The following IFT52 variants were observed in gnomAD, a reference collection of about 807,000 sequenced individuals.
The protein encoded by IFT52 is intraflagellar transport 52.
Under a neutral mutation model 54.4 loss-of-function variants are expected in IFT52, and 44 were observed. The observed-to-expected ratio is 0.81, with a 90% CI of 0.63 to 1.04. IFT52 has a LOEUF of 1.04. Ranked by LOEUF, IFT52 falls within the 50% of genes least tolerant of loss-of-function variation. The pLI is 0.00. For synonymous variants in IFT52, 181 were observed against 185.3 expected (o/e 0.98, Z 0.19); for missense variants, 452 against 523.6 (o/e 0.86, Z 1.33).
At chr20:43,599,624 G>A (rs901378318) in intron 3 of IFT52, among the ~76,000 whole-genome samples, 1 of 152,066 alleles carries the variant, frequency 6.6e-6, no homozygotes, top group Non-Finnish European at 1.5e-5. Flanking sequence ...TGCTTTCCTT[G>A]TCATTGCTGC....
chr20:43,617,127 G>T (rs1328259858), intron 7 of IFT52, among the ~76,000 whole-genome samples: 3 of 152,192 alleles, frequency 2.0e-5, no homozygotes, highest in Middle Eastern at 3.4e-3. Context: ...GCTGAAGAAG[G>T]TTGCATCATT....
chr20:43,604,121 A>T, intron 4 of IFT52, 62 bp from the exon 5 acceptor site: 1 of 1,349,278 alleles, frequency 7.4e-7, no homozygotes, highest in Non-Finnish European at 1.1e-6. Context: ...AATTGGTATG[A>T]GTCTATAATA....
chr20:43,608,300 T>A (rs770711204), intron 6 of IFT52, among the ~76,000 whole-genome samples: 1 of 152,030 alleles, frequency 6.6e-6, no homozygotes, highest in Non-Finnish European at 1.5e-5. Context: ...CTCAGGGAGG[T>A]GGTACCACTT....
At chr20:43,594,322 T>C (rs8124654) in intron 1 of IFT52, among the ~76,000 whole-genome samples, 2,235 of 151,814 alleles carry the variant, frequency 0.015, 66 homozygotes, top group African/African-American at 0.051. Flanking sequence ...AAAAGAAAAA[T>C]AGAATCTAGA....
chr20:43,607,260 G>A lies in IFT52; in HGVS notation c.485+2187G>A, dbSNP rs1235849107. Reference sequence around the variant, plus strand: ...GGACGGGGCGGCTGGCCGGGCGGGGGGCTGACCCCCCCACCTCCCTCCCGG... The same window carrying A: ...GGACGGGGCGGCTGGCCGGGCGGGGAGCTGACCCCCCCACCTCCCTCCCGG... On this transcript the variant is annotated intron_variant, in intron 6 of 13. Transcript: ENST00000373030. Among the ~76,000 whole-genome samples, 36 of 150,144 alleles carry A rather than the reference G, an allele frequency of 2.4e-4. No homozygotes were observed. The East Asian group carries it at 6.6e-3, about 28-fold the overall frequency.
At chr20:43,639,938 G>T (rs1315657155) in intron 12 of IFT52, among the ~76,000 whole-genome samples, 1 of 152,162 alleles carries the variant, frequency 6.6e-6, no homozygotes, top group East Asian at 1.9e-4. Flanking sequence ...CACTTTAGGA[G>T]GCTGAGGCAA....
At chr20:43,626,829 A>C (rs968746793) in intron 10 of IFT52, among the ~76,000 whole-genome samples, 1 of 152,088 alleles carries the variant, frequency 6.6e-6, no homozygotes, top group African/African-American at 2.4e-5. Context: ...AGGACCATCT[A>C]TTGAGCCCTG....
In IFT52 at chr20:43,594,307, CA is replaced by C. The variant is rs893474045; in HGVS notation, c.-6-378del. Among the ~76,000 whole-genome samples the C allele has an allele frequency of 1.1e-4, 16 of 151,560 alleles. No individual in the cohort carries two copies. The East Asian group carries it at 3.1e-3, about 29-fold the overall frequency. ...TGGGAGACAGAGCAAGACTCCGTCT[CA>C]AAAAAAAGAAAAATAGAATCTAGAA... On this transcript the variant is annotated intron_variant, in intron 1 of 13. Coordinates refer to ENST00000373030, the MANE Select transcript of IFT52 (RefSeq NM_016004.5).
At chr20:43,605,500 T>C (rs2145602232) in intron 6 of IFT52, among the ~76,000 whole-genome samples, 1 of 152,184 alleles carries the variant, frequency 6.6e-6, no homozygotes, top group Non-Finnish European at 1.5e-5. Context: ...TGAGCCAAGA[T>C]TACGCCACTG....
intron 7 of IFT52, among the ~76,000 whole-genome samples, chr20:43,615,220 T>C (rs1983767482): frequency 6.6e-6 from 1 of 151,922 alleles, no homozygotes; most frequent in Admixed American, 6.6e-5. Flanking sequence ...TTTTTGTATT[T>C]TAATAGAGAT....
chr20:43,624,006 T>C lies in IFT52; in HGVS notation c.884T>C (p.Ile295Thr), dbSNP rs77661452. Residue 295 changes from isoleucine (I) to threonine (T), a missense_variant, in exon 10 of 14, where the codon ATC becomes ACC. Ile to Thr is a moderately conservative substitution (Grantham distance 89). Coordinates refer to ENST00000373030, the MANE Select transcript of IFT52 (RefSeq NM_016004.5). ...TTTACCACCCTCTTCGACCTGTCCATCTTCCAGCTGGATACCACCTCCTTC... is the reference window on the plus strand; with the variant it reads ...TTTACCACCCTCTTCGACCTGTCCACCTTCCAGCTGGATACCACCTCCTTC... ...RDFTTLFDLS[I>T]FQLDTTSFHS... 4.2e-5 allele frequency: 67 copies of C among 1,614,168 alleles called. 1 individual carries two copies. Among genetic ancestry groups the C allele is most frequent in the South Asian group, 8.8e-5 (8 of 91,084 alleles).
At chr20:43,614,409 T>C (rs948841151) in intron 7 of IFT52, among the ~76,000 whole-genome samples, 8 of 151,980 alleles carry the variant, frequency 5.3e-5, no homozygotes, top group African/African-American at 1.5e-4. Context: ...TAATTTTTTG[T>C]ATTTTTAGTA....
At chr20:43,606,103 C>G (rs1982855320) in intron 6 of IFT52, among the ~76,000 whole-genome samples, 1 of 151,834 alleles carries the variant, frequency 6.6e-6, no homozygotes, top group African/African-American at 2.4e-5. Flanking sequence ...CGCCTATAAT[C>G]CCAGCTACTG....
chr20:43,635,187 GA>G (rs111707040), intron 10 of IFT52, among the ~76,000 whole-genome samples: 110,371 of 143,992 alleles, frequency 0.77, 42,179 homozygotes, highest in East Asian at 0.8. Flanking sequence ...GAGAGAGAGA[GA>G]AAAAAAAAAA....
At chr20:43,595,354 T>C (rs999764071) in intron 2 of IFT52, among the ~76,000 whole-genome samples, 4 of 137,738 alleles carry the variant, frequency 2.9e-5, no homozygotes, top group Non-Finnish European at 6.2e-5. Flanking sequence ...ATCAAGACCA[T>C]CCTGGCCAAC....
intron 13 of IFT52, among the ~76,000 whole-genome samples, chr20:43,645,968 G>A (rs1986170555): frequency 6.7e-6 from 1 of 148,604 alleles, no homozygotes; most frequent in South Asian, 2.2e-4. Flanking sequence ...CCAGCACTTT[G>A]GGAGGCCGAG....
chr20:43,622,770 G>GTAAATATAAATATATACATATTTT lies in IFT52; in HGVS notation c.769-1120_769-1119insAAATATAAATATATACATATTTTT, dbSNP rs1568768399. On this transcript the variant is annotated intron_variant, in intron 9 of 13. Transcript: ENST00000373030. ...ATGTAAATATAAATATATACAAATT[G>GTAAATATAAATATATACATATTTT]TGTGTAAATATAAATATATACATAT... Among the ~76,000 whole-genome samples, 3 of 127,818 alleles carry GTAAATATAAATATATACATATTTT rather than the reference G, an allele frequency of 2.3e-5. 1 individual carries two copies. The highest frequency in any genetic ancestry group is 1.6e-4 in the Admixed American group (2 of 12,196). 83.9% of individuals were successfully genotyped at this position (127,818 alleles called of 152,430 possible).
rs368950179 is a variant in IFT52, at chr20:43,607,743, G to T, written c.485+2670G>T. 6.1e-4 allele frequency among the ~76,000 whole-genome samples: 92 copies of T among 151,918 alleles called. No homozygotes were observed. In the East Asian group the frequency reaches 0.015, roughly 25 times the overall value. On this transcript the variant is annotated intron_variant, in intron 6 of 13. Transcript: ENST00000373030. Reference sequence around the variant, plus strand: ...AGACGCTCCTCACTTCCCAGACGGGGTGGCGGCCGGGCAGAGGCTGCACTC... The same window carrying T: ...AGACGCTCCTCACTTCCCAGACGGGTTGGCGGCCGGGCAGAGGCTGCACTC...
At chr20:43,599,919 T>C (rs1038335164) in intron 3 of IFT52, among the ~76,000 whole-genome samples, 5 of 152,152 alleles carry the variant, frequency 3.3e-5, no homozygotes, top group Non-Finnish European at 7.3e-5. Flanking sequence ...GCCAACTTTG[T>C]TACCCTGAAT....
Sources: allele counts gnomAD v4.1 joint callset (sites outside exome capture counted in the v4.1 genomes callset), GRCh38; gene constraint gnomAD v4.1.1; transcripts MANE v1.5; gene names NCBI Gene and HGNC (gene_info 2026-07-23, HGNC 2026-07-21).